Variants in USP49 observed in about 807,000 individuals in gnomAD.
The protein encoded by USP49 is ubiquitin carboxyl-terminal hydrolase 49.
In USP49, 24 loss-of-function variants were observed where a neutral mutation model predicts 58.6. That is an observed-to-expected ratio of 0.41 (90% CI 0.30 to 0.58). USP49 has a LOEUF of 0.58. Among genes scored for constraint, USP49 ranks in the 20% least tolerant of loss-of-function variants. The pLI is 0.30. For missense variants in USP49, 703 were observed against 866.1 expected, an observed-to-expected ratio of 0.81 and a Z score of 2.36; for synonymous variants, 408 against 365.1, an observed-to-expected ratio of 1.12 and a Z score of -1.34.
At chr6:41,856,428 T>G (rs1056591786) in intron 3 of USP49, among the ~76,000 whole-genome samples, 1 of 152,052 alleles carries the variant, frequency 6.6e-6, no homozygotes. Context: ...CAGCGCTCTC[T>G]CAAACCTCAA....
At chr6:41,831,938 C>G (rs1166083124) in intron 3 of USP49, among the ~76,000 whole-genome samples, 1 of 152,242 alleles carries the variant, frequency 6.6e-6, no homozygotes, top group African/African-American at 2.4e-5. Flanking sequence ...TATCCTTCCT[C>G]TTCTGTACTA....
At chr6:41,825,281 T>C (rs916703818) in intron 3 of USP49, among the ~76,000 whole-genome samples, 5 of 152,072 alleles carry the variant, frequency 3.3e-5, no homozygotes, top group Non-Finnish European at 1.5e-5. Flanking sequence ...TAGCAGGAGA[T>C]GGAAAGCAGA....
rs1273408421 is a variant in USP49 at position 41,794,612 on chromosome 6, TG to T, written c.*1920del. 6.6e-6 allele frequency: 1 copy of T among 152,148 alleles called. No individual in the cohort carries two copies. Among genetic ancestry groups the T allele is most frequent in the Non-Finnish European group, 1.5e-5 (1 of 68,028 alleles). 9.4% of individuals were successfully genotyped at this position (152,148 alleles called of 1,614,324 possible). Reference sequence around the variant, plus strand: ...TACTAATCATGCCGACTTAAAAACGTGGATCTTGAGAGTACAGCTTCACATC... The same window carrying T: ...TACTAATCATGCCGACTTAAAAACGTGATCTTGAGAGTACAGCTTCACATC... On this transcript the variant is annotated 3_prime_UTR_variant, in exon 8 of 8. Coordinates refer to ENST00000682992, the MANE Select transcript of USP49 (RefSeq NM_001286554.2).
rs554027509 is a variant in USP49, at chr6:41,803,699, T to G, written c.1561+107A>C. ...ATCTTTAAAAGATGCTTTAGAACCA[T>G]TCAATATCATTAGTGTTACTTTTGA... On this transcript the variant is annotated intron_variant, in intron 5 of 7. Transcript: ENST00000682992. The surrounding 1 kb of genome is among the most constrained non-coding windows in gnomAD (Gnocchi z 4.1). 1.9e-4 allele frequency: 235 copies of G among 1,206,470 alleles called. 2 individuals are homozygous for G. The South Asian group carries it at 2.0e-3, about 10-fold the overall frequency. The allele number at this position is 1,206,470 out of a possible 1,614,324, so 74.7% of individuals were successfully genotyped here.
chr6:41,859,628 G>C (rs2127354122), intron 3 of USP49, among the ~76,000 whole-genome samples: 1 of 152,246 alleles, frequency 6.6e-6, no homozygotes, highest in African/African-American at 2.4e-5. Context: ...TAAAGACCGA[G>C]TGAATAAACA....
At chr6:41,845,751 TA>T (rs1773911837) in intron 3 of USP49, among the ~76,000 whole-genome samples, 1 of 143,210 alleles carries the variant, frequency 7.0e-6, no homozygotes, top group Non-Finnish European at 1.6e-5. Context: ...ATTTTTTAAA[TA>T]TTTTTTTTTT....
At chr6:41,861,081 T>C (rs1774213073) in intron 3 of USP49, among the ~76,000 whole-genome samples, 1 of 150,490 alleles carries the variant, frequency 6.6e-6, no homozygotes, top group African/African-American at 2.5e-5. Context: ...TGAGCTGAGA[T>C]TGCACCACTG....
At chr6:41,802,435 T>TA (rs56345908) in intron 5 of USP49, among the ~76,000 whole-genome samples, 1 of 37,950 alleles carries the variant, frequency 2.6e-5, no homozygotes, top group Admixed American at 4.6e-4. Context: ...TTATTTTATT[T>TA]ATTTATTTAT....
chr6:41,790,680 A>AAT lies in USP49; in HGVS notation c.*5851_*5852dup, dbSNP rs1292858264. 1 of 152,198 alleles carries AAT rather than the reference A, an allele frequency of 6.6e-6. No homozygotes were observed. The highest frequency in any genetic ancestry group is 2.4e-5 in the African/African-American group (1 of 41,446). 9.4% of individuals were successfully genotyped at this position (152,198 alleles called of 1,614,324 possible). A position where few individuals can be genotyped will look rare whatever the true frequency, so the allele number is the denominator to read the frequency against. On this transcript the variant is annotated 3_prime_UTR_variant, in exon 8 of 8. Coordinates refer to ENST00000682992, the MANE Select transcript of USP49 (RefSeq NM_001286554.2). ...TCACTACTAAAGTTAAACAGGACAA[A>AAT]ATAGTCTTTCCTGACCTTGCTGGCA...
chr6:41,871,885 T>C (rs1406751627), intron 2 of USP49, among the ~76,000 whole-genome samples: 4 of 152,220 alleles, frequency 2.6e-5, no homozygotes, highest in Non-Finnish European at 4.4e-5. Flanking sequence ...GTTTACTTCC[T>C]GAAAAAAAGC....
chr6:41,817,544 C>T (rs1446822633), intron 3 of USP49, among the ~76,000 whole-genome samples: 2 of 150,062 alleles, frequency 1.3e-5, no homozygotes, highest in African/African-American at 4.9e-5. Flanking sequence ...ACTGCAACCT[C>T]CACCCACTGG....
intron 2 of USP49, among the ~76,000 whole-genome samples, chr6:41,884,503 A>C (rs1234910628): frequency 6.6e-6 from 1 of 152,254 alleles, no homozygotes; most frequent in Admixed American, 6.5e-5. Flanking sequence ...AAAGATGCAC[A>C]TAGAATCAAG....
chr6:41,844,485 T>C (rs1582016600), intron 3 of USP49, among the ~76,000 whole-genome samples: 1 of 152,002 alleles, frequency 6.6e-6, no homozygotes, highest in East Asian at 2.0e-4. Context: ...GGCTAGTTTT[T>C]TGTATTTTTA....
In USP49 at chr6:41,790,090, ATGT is replaced by A. The variant is rs1772769524; in HGVS notation, c.*6440_*6442del. The A allele has an allele frequency of 6.6e-6, 1 of 151,698 alleles. No homozygotes were observed. Among genetic ancestry groups the A allele is most frequent in the Non-Finnish European group, 1.5e-5 (1 of 67,966 alleles). The allele number at this position is 151,698 out of a possible 1,614,324, so 9.4% of individuals were successfully genotyped here. ...AAAAGGAAGCTGTAACCATACATTG[ATGT>A]TAACCTAGCATGAAGTTTATTCTTG... On this transcript the variant is annotated 3_prime_UTR_variant, in exon 8 of 8. Transcript: ENST00000682992.
intron 3 of USP49, among the ~76,000 whole-genome samples, chr6:41,823,850 G>C (rs1773491827): frequency 6.6e-6 from 1 of 152,074 alleles, no homozygotes; most frequent in Non-Finnish European, 1.5e-5. Flanking sequence ...GGGAGAGAGG[G>C]AGAGAGAGAG....
intron 3 of USP49, among the ~76,000 whole-genome samples, chr6:41,811,131 TTATA>T (rs1233143787): frequency 1.3e-5 from 2 of 152,166 alleles, no homozygotes; most frequent in Non-Finnish European, 2.9e-5. Flanking sequence ...AGGCATGTCT[TTATA>T]TAAGAAACCC....
chr6:41,818,398 G>A (rs33954419), intron 3 of USP49, among the ~76,000 whole-genome samples: 74,686 of 151,874 alleles, frequency 0.49, 18,515 homozygotes, highest in Admixed American at 0.6. Flanking sequence ...TGTTATCCTC[G>A]ACTCTCTGCA....
At chr6:41,855,049 C>T (rs550816634) in intron 3 of USP49, among the ~76,000 whole-genome samples, 4 of 151,634 alleles carry the variant, frequency 2.6e-5, no homozygotes, top group East Asian at 2.0e-4. Flanking sequence ...GCTGGGATTA[C>T]GGGTGTGAGC....
intron 3 of USP49, among the ~76,000 whole-genome samples, chr6:41,861,447 CAAAT>C (rs955608375): frequency 3.9e-5 from 6 of 151,928 alleles, no homozygotes; most frequent in African/African-American, 1.5e-4. Context: ...AGTCTCAAAA[CAAAT>C]AAATAAATAA....
Sources: gnomAD v4.1 joint callset for allele counts (sites outside exome capture counted in the v4.1 genomes callset) on GRCh38, gnomAD v4.1.1 for gene constraint, Gnocchi (gnomAD v3.1) non-coding constraint, MANE v1.5 for transcripts, NCBI Gene and HGNC (gene_info 2026-07-23, HGNC 2026-07-21) for gene names.